EXPH5: variants seen among roughly 807,000 people sequenced by gnomAD.
EXPH5 encodes exophilin 5.
EXPH5 carries 42 observed loss-of-function variants against 41.1 expected under a neutral mutation model. That is an observed-to-expected ratio of 1.02 (90% CI 0.80 to 1.32). The LOEUF is 1.32. Among genes scored for constraint, EXPH5 ranks in the 40% most tolerant of loss-of-function variants. The pLI is 0.00. For synonymous variants in EXPH5, 798 were observed against 833.5 expected, an observed-to-expected ratio of 0.96 and a Z score of 0.73; for missense variants, 2,298 against 2,314.5, an observed-to-expected ratio of 0.99 and a Z score of 0.15.
At chr11:108,545,448 G>A (rs559564197) in intron 1 of EXPH5, among the ~76,000 whole-genome samples, 1 of 152,226 alleles carries the variant, frequency 6.6e-6, no homozygotes, top group African/African-American at 2.4e-5. Context: ...AGACAGATAT[G>A]AATCCAATAA....
intron 1 of EXPH5, among the ~76,000 whole-genome samples, chr11:108,555,130 G>A (rs1209726983): frequency 6.6e-6 from 1 of 152,356 alleles, no homozygotes; most frequent in South Asian, 2.1e-4. Flanking sequence ...CAAGACAAGA[G>A]GAGTGCACTG....
intron 1 of EXPH5, among the ~76,000 whole-genome samples, chr11:108,552,415 G>A (rs973677731): frequency 4.6e-5 from 7 of 152,142 alleles, no homozygotes; most frequent in Non-Finnish European, 1.0e-4. Flanking sequence ...TGAAGGAAGG[G>A]AAGCTCAGAT....
At chr11:108,597,629 C>T (rs1040682967), upstream of EXPH5, among the ~76,000 whole-genome samples, 26 of 152,066 alleles carry the variant, frequency 1.7e-4, no homozygotes, top group African/African-American at 5.3e-4. Context: ...CCAGACAACA[C>T]CAGTATTATA....
intron 1 of EXPH5, among the ~76,000 whole-genome samples, chr11:108,559,346 T>A (rs1211647093): frequency 6.6e-6 from 1 of 152,190 alleles, no homozygotes; most frequent in Non-Finnish European, 1.5e-5. Flanking sequence ...AGGACAAGGG[T>A]TAATGGCAAG....
rs772358763 is a variant in EXPH5, at chr11:108,510,285, C to T, written c.5222G>A (p.Arg1741Lys). 6.2e-7 allele frequency: 1 copy of T among 1,614,100 alleles called. No individual in the cohort carries two copies. Among genetic ancestry groups the T allele is most frequent in the South Asian group, 1.1e-5 (1 of 91,068 alleles). Residue 1741 changes from arginine to lysine, a missense_variant, in exon 6 of 6, where the codon AGG (arginine) becomes AAG (lysine). Coordinates refer to ENST00000265843, the MANE Select transcript of EXPH5 (RefSeq NM_015065.3). The stretch of plus-strand genomic sequence containing the variant: ...CTGATTGTCAGAGAATTCTGCTTCC[C>T]TGAGGCTGGTGAATGTGATGGGTGA... ...APSPITFTSL[R>K]EAEFSDNQRR...
intron 1 of EXPH5, among the ~76,000 whole-genome samples, chr11:108,574,904 C>G (rs1467007508): frequency 1.3e-5 from 2 of 152,190 alleles, no homozygotes; most frequent in African/African-American, 4.8e-5. Flanking sequence ...ATGTCTGGAG[C>G]AGCTGCAGCT....
intron 3 of EXPH5, among the ~76,000 whole-genome samples, chr11:108,535,439 C>T (rs975604971): frequency 6.6e-6 from 1 of 152,158 alleles, no homozygotes; most frequent in Admixed American, 6.5e-5. Context: ...AAAGAAGGAG[C>T]TTGCTTTCTC....
intron 1 of EXPH5, among the ~76,000 whole-genome samples, chr11:108,577,393 C>T (rs1320611875): frequency 6.6e-6 from 1 of 151,734 alleles, no homozygotes; most frequent in Non-Finnish European, 1.5e-5. Flanking sequence ...TGATAATAGC[C>T]ATTTTATTTT....
chr11:108,537,347 TTATCAA>T (rs1217096356), intron 3 of EXPH5, among the ~76,000 whole-genome samples: 1 of 152,234 alleles, frequency 6.6e-6, no homozygotes, highest in African/African-American at 2.4e-5. Flanking sequence ...TAATAAATAC[TTATCAA>T]TATCAATAAT....
At chr11:108,525,918 CTTT>C (rs11390097) in intron 4 of EXPH5, among the ~76,000 whole-genome samples, 1 of 132,624 alleles carries the variant, frequency 7.5e-6, no homozygotes, top group African/African-American at 2.8e-5. Flanking sequence ...TTTTTCTTTT[CTTT>C]TTTTTTTTTT....
chr11:108,591,186 A>G (rs1290381386), intron 1 of EXPH5, among the ~76,000 whole-genome samples: 2 of 152,196 alleles, frequency 1.3e-5, no homozygotes, highest in African/African-American at 4.8e-5. Flanking sequence ...GTTGTTGTTC[A>G]CATATGCCAA....
At position 108,510,415 on chromosome 11, in the gene EXPH5, G is replaced by C; in HGVS notation, c.5092C>G (p.Arg1698Gly). The change falls in exon 6 of 6, where the codon CGA becomes GGA. Residue 1698 changes from arginine (R) to glycine (G), a missense_variant. Transcript: ENST00000265843. ...SNQKSNSISQRHQNEFKNVSE... is the reference protein window; with the variant it reads ...SNQKSNSISQGHQNEFKNVSE... ...ACGTTTTTAAACTCATTCTGATGTCGTTGTGAAATGCTGTTAGACTTCTGG... is the reference window on the plus strand; with the variant it reads ...ACGTTTTTAAACTCATTCTGATGTCCTTGTGAAATGCTGTTAGACTTCTGG... 6.2e-7 allele frequency: 1 copy of C among 1,613,980 alleles called. No individual in the cohort carries two copies. Among genetic ancestry groups the C allele is most frequent in the Non-Finnish European group, 8.5e-7 (1 of 1,179,976 alleles).
intron 1 of EXPH5, among the ~76,000 whole-genome samples, chr11:108,590,084 A>G (rs1181622527): frequency 6.6e-6 from 1 of 152,236 alleles, no homozygotes; most frequent in Non-Finnish European, 1.5e-5. Flanking sequence ...ATATCCAAGA[A>G]TTGGACAATT....
chr11:108,578,499 A>C (rs573071662), intron 1 of EXPH5, among the ~76,000 whole-genome samples: 1 of 152,068 alleles, frequency 6.6e-6, no homozygotes, highest in South Asian at 2.1e-4. Context: ...TTTGCTCAGG[A>C]TTCATTTGGC....
chr11:108,568,302 C>T (rs983017951), intron 1 of EXPH5, among the ~76,000 whole-genome samples: 2 of 152,106 alleles, frequency 1.3e-5, no homozygotes, highest in African/African-American at 4.8e-5. Context: ...GCGGGTTCCT[C>T]TGGCTCGCTG....
At chr11:108,542,356 T>C (rs1256606257) in intron 1 of EXPH5, among the ~76,000 whole-genome samples, 2 of 151,984 alleles carry the variant, frequency 1.3e-5, no homozygotes, top group Non-Finnish European at 2.9e-5. Flanking sequence ...TCTTTTTTAG[T>C]ATTCTTGTAA....
Position 108,511,885 on chromosome 11 carries a change from C to T in EXPH5, c.3622G>A (p.Glu1208Lys). 6.3e-7 allele frequency: 1 copy of T among 1,588,004 alleles called. No individual in the cohort carries two copies. Among genetic ancestry groups the T allele is most frequent in the Non-Finnish European group, 8.5e-7 (1 of 1,172,046 alleles). Residue 1208 changes from glutamate to lysine, a missense_variant, in exon 6 of 6, where the codon GAA becomes AAA. Transcript: ENST00000265843. ...TCTGAGCAAAAAGGTAAAGGGTCTT[C>T]ATTTGAAAGAGCAAATACACTTCTC... is the stretch of plus-strand genomic sequence containing the variant. The part of the protein sequence containing the change: ...SRRSVFALSN[E>K]DPLPFCSDLS...
At chr11:108,567,721 A>G (rs2094040714) in intron 1 of EXPH5, among the ~76,000 whole-genome samples, 1 of 152,216 alleles carries the variant, frequency 6.6e-6, no homozygotes, top group Non-Finnish European at 1.5e-5. Flanking sequence ...GTTAAATGGG[A>G]CTTAGTTAAG....
At chr11:108,597,568 T>C (rs557296071), upstream of EXPH5, among the ~76,000 whole-genome samples, 3 of 152,344 alleles carry the variant, frequency 2.0e-5, no homozygotes, top group Admixed American at 2.0e-4. Flanking sequence ...TAAAAATACT[T>C]GGTAATCCTT....
Sources: allele counts gnomAD v4.1 joint callset (sites outside exome capture counted in the v4.1 genomes callset), GRCh38; gene constraint gnomAD v4.1.1; transcripts MANE v1.5; gene names NCBI Gene and HGNC (gene_info 2026-07-23, HGNC 2026-07-21).